Variants in HCRTR2 observed in about 807,000 individuals in gnomAD.
HCRTR2 encodes the protein orexin receptor type 2.
Under a neutral mutation model 49.0 loss-of-function variants are expected in HCRTR2, and 22 were observed. The ratio of observed to expected loss-of-function variants is 0.45; its 90% CI spans 0.32 to 0.64. The LOEUF (loss-of-function observed/expected upper bound fraction) is 0.64, where lower values mean the gene tolerates loss of function less well. Ranked by LOEUF, HCRTR2 falls within the 30% of genes least tolerant of loss-of-function variation. HCRTR2 has a pLI of 0.04. For synonymous variants in HCRTR2, 236 were observed against 205.3 expected, an observed-to-expected ratio of 1.15 and a Z score of -1.28; for missense variants, 491 against 559.4, an observed-to-expected ratio of 0.88 and a Z score of 1.23.
At chr6:55,133,849 T>C (rs1764396538) in intron 1 of HCRTR2, among the ~76,000 whole-genome samples, 2 of 151,892 alleles carry the variant, frequency 1.3e-5, no homozygotes, top group South Asian at 4.1e-4. Context: ...TGAACCTATA[T>C]GGCTGTTTTT....
In HCRTR2 at chr6:55,115,479, AGTGTGTGTGT is replaced by A. The variant is rs34700512; in HGVS notation, c.-378+8958_-378+8967del. Among the ~76,000 whole-genome samples the A allele has an allele frequency of 3.6e-3, 535 of 148,772 alleles. 3 individuals are homozygous for A. Among genetic ancestry groups the A allele is most frequent in the African/African-American group, 7.7e-3 (311 of 40,640 alleles). On this transcript the variant is annotated intron_variant, in intron 1 of 7. Transcript: ENST00000615358. ...TATCAAATGCATTGTGTTGCTAAAGAGTGTGTGTGTGTGTGTGTGTGTGTGTGTGTGTGGT... is the reference window on the plus strand; with the variant it reads ...TATCAAATGCATTGTGTTGCTAAAGAGTGTGTGTGTGTGTGTGTGTGTGGT...
intron 1 of HCRTR2, among the ~76,000 whole-genome samples, chr6:55,163,315 C>T (rs6459069): frequency 0.44 from 66,337 of 151,652 alleles, 15,356 homozygotes; most frequent in East Asian, 0.78. Context: ...CCCATATAGC[C>T]AAAACAATCC....
intron 1 of HCRTR2, among the ~76,000 whole-genome samples, chr6:55,156,572 GACAC>G (rs141547382): frequency 2.0e-5 from 3 of 148,440 alleles, no homozygotes; most frequent in Admixed American, 6.8e-5. Flanking sequence ...CTCTCTCTGA[GACAC>G]ACACACACAC....
At chr6:55,268,869 T>C (rs2127325503) in intron 4 of HCRTR2, among the ~76,000 whole-genome samples, 1 of 151,910 alleles carries the variant, frequency 6.6e-6, no homozygotes, top group Non-Finnish European at 1.5e-5. Flanking sequence ...GGCGGGTGGA[T>C]CACGAGGTCA....
chr6:55,225,944 T>C (rs1207877293), intron 1 of HCRTR2, among the ~76,000 whole-genome samples: 3 of 152,252 alleles, frequency 2.0e-5, no homozygotes, highest in South Asian at 2.1e-4. Flanking sequence ...AATCTTTTCA[T>C]TTGGTCCTCA....
At chr6:55,165,421 T>C (rs1009839396) in intron 1 of HCRTR2, among the ~76,000 whole-genome samples, 8 of 151,952 alleles carry the variant, frequency 5.3e-5, no homozygotes, top group African/African-American at 1.9e-4. Flanking sequence ...GATAATTGGG[T>C]ATGCAAAAAA....
chr6:55,109,261 C>A (rs535103739), intron 1 of HCRTR2, among the ~76,000 whole-genome samples: 1 of 152,154 alleles, frequency 6.6e-6, no homozygotes, highest in African/African-American at 2.4e-5. Context: ...CATAATCTAC[C>A]CAAATGAGAA....
chr6:55,214,899 A>G (rs960724219), intron 1 of HCRTR2, among the ~76,000 whole-genome samples: 9 of 152,036 alleles, frequency 5.9e-5, no homozygotes, highest in African/African-American at 1.9e-4. Context: ...ATTCAGTCAG[A>G]GAAACAAAAA....
At chr6:55,257,276 C>G (rs1345194729) in intron 3 of HCRTR2, among the ~76,000 whole-genome samples, 1 of 152,000 alleles carries the variant, frequency 6.6e-6, no homozygotes, top group Non-Finnish European at 1.5e-5. Flanking sequence ...TTCTCAGAAT[C>G]CTGTATTAAA....
chr6:55,279,190 A>C (rs915788127), intron 5 of HCRTR2, among the ~76,000 whole-genome samples: 2 of 152,038 alleles, frequency 1.3e-5, no homozygotes, highest in African/African-American at 4.8e-5. Context: ...TTGTTACCAC[A>C]CACATTTTTT....
At chr6:55,193,806 T>C (rs546505548) in intron 1 of HCRTR2, among the ~76,000 whole-genome samples, 1 of 152,272 alleles carries the variant, frequency 6.6e-6, no homozygotes, top group South Asian at 2.1e-4. Flanking sequence ...TGTAAGAATA[T>C]GGTAGTACAG....
chr6:55,121,050 A>G (rs1171329231), intron 1 of HCRTR2, among the ~76,000 whole-genome samples: 7 of 152,080 alleles, frequency 4.6e-5, no homozygotes, highest in East Asian at 3.9e-4. Context: ...CATTGAATCT[A>G]TAAATTACCT....
intron 1 of HCRTR2, among the ~76,000 whole-genome samples, chr6:55,147,099 C>T (rs1045573592): frequency 1.3e-5 from 2 of 152,102 alleles, no homozygotes; most frequent in African/African-American, 4.8e-5. Context: ...CTATTACATA[C>T]TTATTTTCTC....
intron 1 of HCRTR2, among the ~76,000 whole-genome samples, chr6:55,165,737 T>C (rs1158120250): frequency 1.7e-5 from 2 of 116,724 alleles, no homozygotes; most frequent in Admixed American, 2.0e-4. Context: ...AAGGGATTAG[T>C]ATACAGAATA....
intron 1 of HCRTR2, among the ~76,000 whole-genome samples, chr6:55,215,862 T>C (rs1765777715): frequency 6.6e-6 from 1 of 152,250 alleles, no homozygotes; most frequent in African/African-American, 2.4e-5. Flanking sequence ...AGTCCATTTT[T>C]ATTTTGCTAT....
In HCRTR2 at chr6:55,271,865, T is replaced by C. The variant is rs188722808; in HGVS notation, c.763-5515T>C. ...ATAGATTTGTTTTAAAAGGCTGTAATCATTATTGGTAAGGATGTGGAGTAA... is the reference window on the plus strand; with the variant it reads ...ATAGATTTGTTTTAAAAGGCTGTAACCATTATTGGTAAGGATGTGGAGTAA... On this transcript the variant is annotated intron_variant, in intron 4 of 6. Coordinates refer to ENST00000370862, the MANE Select transcript of HCRTR2 (RefSeq NM_001384272.1). Among the ~76,000 whole-genome samples, 169 of 152,254 alleles carry C rather than the reference T, an allele frequency of 1.1e-3. 1 individual carries two copies. The highest frequency in any genetic ancestry group is 4.0e-3 in the African/African-American group (165 of 41,570).
intron 1 of HCRTR2, among the ~76,000 whole-genome samples, chr6:55,133,458 A>G (rs191184567): frequency 1.3e-3 from 195 of 151,970 alleles, no homozygotes; most frequent in African/African-American, 4.3e-3. Context: ...TAGGAATAAC[A>G]AATGTCCAAA....
chr6:55,193,630 T>G (rs1370945686), intron 1 of HCRTR2, among the ~76,000 whole-genome samples: 2 of 151,878 alleles, frequency 1.3e-5, no homozygotes. Context: ...CCTATGGTCC[T>G]CACCTCACCC....
At chr6:55,282,098 C>T in intron 6 of HCRTR2, 127 bp from the exon 7 acceptor site, 1 of 691,428 alleles carries the variant, frequency 1.4e-6, no homozygotes, top group East Asian at 2.7e-5. Context: ...CTATTTTACC[C>T]ATCTTTGCAA....
Sources: allele counts gnomAD v4.1 joint callset (sites outside exome capture counted in the v4.1 genomes callset), GRCh38; gene constraint gnomAD v4.1.1; transcripts MANE v1.5; gene names NCBI Gene and HGNC (gene_info 2026-07-23, HGNC 2026-07-21).